The following CSMD3 variants were observed in gnomAD, a reference collection of about 807,000 sequenced individuals.
CSMD3 encodes CUB and sushi domain-containing protein 3.
In CSMD3, 177 loss-of-function variants were observed where a neutral mutation model predicts 435.2. The observed-to-expected ratio is 0.41, with a 90% confidence interval of 0.36 to 0.46. The LOEUF (loss-of-function observed/expected upper bound fraction) is 0.46. Ranked by LOEUF, CSMD3 falls within the 20% of genes least tolerant of loss-of-function variation. The pLI is 0.34. For synonymous variants in CSMD3, 1,656 were observed against 1,520.5 expected (o/e 1.09, Z -2.07); for missense variants, 4,265 against 4,504.6 (o/e 0.95, Z 1.52).
At chr8:113,103,196 A>G (rs914287940) in intron 4 of CSMD3, among the ~76,000 whole-genome samples, 1 of 152,178 alleles carries the variant, frequency 6.6e-6, no homozygotes, top group African/African-American at 2.4e-5. Context: ...TAGTAAAGCA[A>G]TGCCATTAAA....
intron 4 of CSMD3, among the ~76,000 whole-genome samples, chr8:113,123,308 T>C (rs1255181362): frequency 2.0e-5 from 3 of 152,100 alleles, no homozygotes; most frequent in African/African-American, 2.4e-5. Context: ...TCATTTTATA[T>C]TGGCATGATA....
chr8:113,176,982 T>A (rs1033554127), intron 3 of CSMD3, among the ~76,000 whole-genome samples: 3 of 151,728 alleles, frequency 2.0e-5, no homozygotes, highest in African/African-American at 4.8e-5. Flanking sequence ...AAATAATTAT[T>A]AAATATATGT....
At chr8:112,984,994 T>TGATA (rs71309797) in intron 6 of CSMD3, among the ~76,000 whole-genome samples, 51,750 of 148,200 alleles carry the variant, frequency 0.35, 8,999 homozygotes, top group Middle Eastern at 0.37. Flanking sequence ...TGATAGATTA[T>TGATA]GATAGATAGA....
chr8:112,985,538 G>T (rs577299600), intron 6 of CSMD3, among the ~76,000 whole-genome samples: 1 of 152,212 alleles, frequency 6.6e-6, no homozygotes, highest in East Asian at 1.9e-4. Flanking sequence ...TACAGGAGGG[G>T]TCACCAACCC....
intron 8 of CSMD3, among the ~76,000 whole-genome samples, chr8:112,954,087 G>C (rs2083922136): frequency 6.6e-6 from 1 of 151,396 alleles, no homozygotes; most frequent in Non-Finnish European, 1.5e-5. Context: ...CTTAATCTGA[G>C]ATTTTGGGAT....
intron 4 of CSMD3, among the ~76,000 whole-genome samples, chr8:113,115,774 C>T (rs1484382753): frequency 6.6e-6 from 1 of 152,132 alleles, no homozygotes; most frequent in African/African-American, 2.4e-5. Flanking sequence ...TAATAATGTG[C>T]TATGATTAAA....
At chr8:112,693,332 C>T (rs904358334) in intron 13 of CSMD3, among the ~76,000 whole-genome samples, 12 of 152,010 alleles carry the variant, frequency 7.9e-5, no homozygotes, top group Middle Eastern at 6.4e-3. Context: ...CTTATACCTT[C>T]TTCGAAAAAT....
At chr8:113,160,355 C>A (rs553430218) in intron 4 of CSMD3, among the ~76,000 whole-genome samples, 2 of 151,834 alleles carry the variant, frequency 1.3e-5, no homozygotes, top group African/African-American at 4.8e-5. Flanking sequence ...GATTTAGTTA[C>A]AAGAGTGGAA....
intron 3 of CSMD3, among the ~76,000 whole-genome samples, chr8:113,205,285 G>T (rs1322061355): frequency 6.6e-6 from 1 of 151,970 alleles, no homozygotes; most frequent in Admixed American, 6.6e-5. Flanking sequence ...GGCCGGCAGG[G>T]AACTCCTCCT....
intron 5 of CSMD3, among the ~76,000 whole-genome samples, chr8:113,032,201 C>T (rs989381206): frequency 5.3e-5 from 8 of 151,498 alleles, no homozygotes; most frequent in African/African-American, 7.3e-5. Flanking sequence ...AATGAGGAAG[C>T]GACTTTGGAA....
At chr8:112,833,073 AAGACT>A (rs1204059991) in intron 11 of CSMD3, among the ~76,000 whole-genome samples, 1 of 152,134 alleles carries the variant, frequency 6.6e-6, no homozygotes, top group Non-Finnish European at 1.5e-5. Context: ...GCTATAAGAT[AAGACT>A]GTACCTTATA....
chr8:113,331,576 C>G (rs1417062107), intron 1 of CSMD3, among the ~76,000 whole-genome samples: 2 of 151,662 alleles, frequency 1.3e-5, no homozygotes, highest in East Asian at 3.9e-4. Flanking sequence ...AAAAAATAAT[C>G]ACACATAATA....
At chr8:113,229,486 CA>C (rs553625609) in intron 3 of CSMD3, among the ~76,000 whole-genome samples, 536 of 134,954 alleles carry the variant, frequency 4.0e-3, no homozygotes, top group Middle Eastern at 3.8e-3. Flanking sequence ...CCTTTGCCAG[CA>C]AAAAAAAAAA....
chr8:113,073,928 C>CA (rs1281713835), intron 5 of CSMD3, among the ~76,000 whole-genome samples: 1 of 151,678 alleles, frequency 6.6e-6, no homozygotes. Context: ...ATCCTTGAAA[C>CA]AGTCTTGTCC....
chr8:113,133,984 G>T (rs533059336), intron 4 of CSMD3, among the ~76,000 whole-genome samples: 2 of 152,100 alleles, frequency 1.3e-5, no homozygotes, highest in Non-Finnish European at 2.9e-5. Flanking sequence ...ATAACAATGT[G>T]AATGTACTTA....
chr8:112,922,855 T>C (rs924226198), intron 9 of CSMD3, among the ~76,000 whole-genome samples: 12 of 152,146 alleles, frequency 7.9e-5, no homozygotes, highest in African/African-American at 2.7e-4. Flanking sequence ...GACCTCGTCA[T>C]GACTCCAAGT....
chr8:112,596,512 G>A (rs972495187), intron 22 of CSMD3, among the ~76,000 whole-genome samples: 25 of 151,952 alleles, frequency 1.6e-4, no homozygotes, highest in East Asian at 3.9e-4. Flanking sequence ...TGCACCAAGC[G>A]GACCTAATAG....
intron 1 of CSMD3, among the ~76,000 whole-genome samples, chr8:113,354,689 G>A (rs1345787491): frequency 6.6e-6 from 1 of 152,128 alleles, no homozygotes; most frequent in Non-Finnish European, 1.5e-5. Context: ...GCCCAGGCTG[G>A]AGTGTAATGG....
intron 1 of CSMD3, among the ~76,000 whole-genome samples, chr8:113,374,407 T>C (rs2094365616): frequency 6.6e-6 from 1 of 152,078 alleles, no homozygotes; most frequent in Admixed American, 6.5e-5. Flanking sequence ...ACCACAGCAC[T>C]CTTACCCCCA....
Sources: allele counts gnomAD v4.1 joint callset (sites outside exome capture counted in the v4.1 genomes callset), GRCh38; gene constraint gnomAD v4.1.1; transcripts MANE v1.5; gene names NCBI Gene and HGNC (gene_info 2026-07-23, HGNC 2026-07-21).